The following TULP2 variants were observed in gnomAD, a reference collection of about 807,000 sequenced individuals.
TULP2 encodes TUB like protein 2.
A neutral mutation model predicts 60.3 loss-of-function variants in TULP2; 64 were observed. That is an observed-to-expected ratio of 1.06 (90% CI 0.87 to 1.31). The LOEUF is 1.31. Among genes scored for constraint, TULP2 ranks in the 50% most tolerant of loss-of-function variants. The probability of loss-of-function intolerance (pLI) is 0.00; values close to 1 mark genes in which losing one functional copy is unlikely to be tolerated. For synonymous variants in TULP2, 267 were observed against 265.4 expected (o/e 1.01, Z -0.06); for missense variants, 652 against 667.0 (o/e 0.98, Z 0.25).
intron 6 of TULP2, among the ~76,000 whole-genome samples, chr19:48,892,776 C>T (rs1287329926): frequency 1.3e-5 from 2 of 151,218 alleles, no homozygotes; most frequent in African/African-American, 4.9e-5. Context: ...CAGGCGTGAG[C>T]CACCGCGCCC....
chr19:48,886,298 CAA>C (rs549692428), intron 8 of TULP2, among the ~76,000 whole-genome samples: 26 of 96,640 alleles, frequency 2.7e-4, no homozygotes, highest in Admixed American at 4.6e-4. Flanking sequence ...GACTACGTCT[CAA>C]AAAAAAAAAA....
chr19:48,896,545 A>G lies in TULP2; in HGVS notation c.96T>C (p.Phe32=), dbSNP rs375021981. Residue 32 remains phenylalanine, a synonymous_variant, in exon 4 of 13, where the codon TTT becomes TTC. Coordinates refer to ENST00000221399, the MANE Select transcript of TULP2 (RefSeq NM_003323.3). ...GGCGCTTCTGTCGCTGCTTCTTTTC[A>G]AACAGCCGCCGCTGGGGAGATGGGA... The part of the protein sequence containing the change: ...LQKLEQQRRL[F]EKKQRQKRQE... 2.6e-4 allele frequency: 418 copies of G among 1,601,328 alleles called. No homozygotes were observed. The highest frequency in any genetic ancestry group is 3.4e-4 in the Non-Finnish European group (404 of 1,174,138).
intron 4 of TULP2, among the ~76,000 whole-genome samples, chr19:48,895,941 A>G (rs1227428060): frequency 6.6e-6 from 1 of 152,040 alleles, no homozygotes; most frequent in Non-Finnish European, 1.5e-5. Flanking sequence ...CCAGGTCCCA[A>G]ACTGCATCCT....
At position 48,894,995 on chromosome 19, in the gene TULP2, T is replaced by TA; in HGVS notation, c.514+2dup. ...GGTTTCACCCCAATGTCCCCTAAAT[T>TA]ACCAGGTCGTTGGTGGGCTTGCCAA... On this transcript the variant is annotated splice_region_variant and intron_variant, in intron 6 of 12. Transcript: ENST00000221399. The TA allele has an allele frequency of 6.2e-7, 1 of 1,610,502 alleles. No homozygotes were observed. The highest frequency in any genetic ancestry group is 8.5e-7 in the Non-Finnish European group (1 of 1,178,740).
Position 48,897,969 on chromosome 19 carries a change from T to TTATG in TULP2, c.-1-101_-1-100insCATA. 2 of 940,998 alleles carry TTATG rather than the reference T, an allele frequency of 2.1e-6. No homozygotes were observed. The highest frequency in any genetic ancestry group is 3.5e-5 in the East Asian group (1 of 28,398). 58.3% of individuals were successfully genotyped at this position (940,998 alleles called of 1,614,324 possible). Reference sequence around the variant, plus strand: ...TAGCCTTATTTATTTATTTATTTATTTATTTATTTATGTATTTAGAGACAG... The same window carrying TTATG: ...TAGCCTTATTTATTTATTTATTTATTTATGTATTTATTTATGTATTTAGAGACAG... On this transcript the variant is annotated intron_variant, in intron 1 of 12. Transcript: ENST00000221399. The surrounding 1 kb of genome is among the most constrained non-coding windows in gnomAD (Gnocchi z 4.0).
At position 48,888,163 on chromosome 19, in the gene TULP2, C is replaced by T. The variant is rs760691943; in HGVS notation, c.735G>A (p.Glu245=). 5.6e-6 allele frequency: 9 copies of T among 1,614,110 alleles called. No homozygotes were observed. The highest frequency in any genetic ancestry group is 7.6e-6 in the Non-Finnish European group (9 of 1,180,052). The change falls in exon 8 of 13, where the codon GAG becomes GAA. Residue 245 remains glutamate, a synonymous_variant. Coordinates refer to ENST00000221399, the MANE Select transcript of TULP2 (RefSeq NM_003323.3). ...NEELSKALKG[E]GGTDSDHMRH... ...TCATATGGTCGCTGTCCGTGCCACC[C>T]TCGCCTTTCAGGGCCTTGGACAACT... is the stretch of plus-strand genomic sequence containing the variant.
rs1325980233 is a variant in TULP2, at chr19:48,884,023, A to C, written c.1085T>G (p.Phe362Cys). The C allele has an allele frequency of 6.2e-7, 1 of 1,613,954 alleles. No homozygotes were observed. The highest frequency in any genetic ancestry group is 1.3e-5 in the African/African-American group (1 of 74,882). ...ATTCACCCCATTGTCAAAGATGGTG[A>C]ACTTGGTGCTGAAGACATTGGATCT... ...KVRSNVFSTK[F>C]TIFDNGVNPD... The change falls in exon 10 of 13, where the codon TTC becomes TGC. Residue 362 changes from phenylalanine (F) to cysteine (C), a missense_variant. Coordinates refer to ENST00000221399, the MANE Select transcript of TULP2 (RefSeq NM_003323.3).
intron 11 of TULP2, among the ~76,000 whole-genome samples, chr19:48,883,238 G>C (rs1405228907): frequency 9.4e-5 from 14 of 149,656 alleles, no homozygotes; most frequent in Non-Finnish European, 1.8e-4. Context: ...AAAAAAGAAA[G>C]AAAGAGAGAG....
intron 7 of TULP2, among the ~76,000 whole-genome samples, chr19:48,888,990 ATT>A (rs1207924162): frequency 6.7e-5 from 8 of 118,580 alleles, no homozygotes; most frequent in Admixed American, 1.8e-4. Context: ...GGCTGCACCT[ATT>A]TTTTTTTTTT....
intron 6 of TULP2, 89 bp from the exon 7 acceptor site, chr19:48,889,720 T>G: frequency 1.7e-6 from 2 of 1,172,478 alleles, no homozygotes; most frequent in Non-Finnish European, 2.3e-6. Flanking sequence ...TGTTCTGTAC[T>G]AAGACAAATT....
intron 6 of TULP2, among the ~76,000 whole-genome samples, chr19:48,892,792 G>T (rs1218709652): frequency 6.6e-6 from 1 of 151,124 alleles, no homozygotes; most frequent in Non-Finnish European, 1.5e-5. Context: ...CGCCCAGCCA[G>T]CAGAACAGTT....
At chr19:48,881,880 G>A in intron 12 of TULP2, 152 bp downstream of exon 12, 1 of 1,012,644 alleles carries the variant, frequency 9.9e-7, no homozygotes, top group East Asian at 2.6e-5. Flanking sequence ...CTGAGGGTGT[G>A]TAAACTACAA....
rs899369073 is a variant in TULP2 at position 48,881,011 on chromosome 19, C to T, written c.1563G>A (p.Ter521=). Residue 521 remains the stop codon, a stop_retained_variant, in exon 13 of 13, where the codon TAG becomes TAA. Transcript: ENST00000221399. ...AFSICLSSFN[*] is the part of the protein sequence containing the mutation. Reference sequence around the variant, plus strand: ...TATTGAGTTATTCAACAGCCAGCTTCTAATTGAAACTGGACAAGCAGATGC... The same window carrying T: ...TATTGAGTTATTCAACAGCCAGCTTTTAATTGAAACTGGACAAGCAGATGC... 2 of 1,612,488 alleles carry T rather than the reference C, an allele frequency of 1.2e-6. No homozygotes were observed. Among genetic ancestry groups the T allele is most frequent in the Non-Finnish European group, 1.7e-6 (2 of 1,179,006 alleles).
chr19:48,884,151 C>G lies in TULP2; in HGVS notation c.1062-105G>C. 3.3e-6 allele frequency: 3 copies of G among 916,062 alleles called. No homozygotes were observed. The South Asian group carries it at 4.7e-5, about 14-fold the overall frequency. 56.7% of individuals were successfully genotyped at this position (916,062 alleles called of 1,614,324 possible). ...TCCCATCAATCCCCTATGTCTAAGA[C>G]TATGTCCGAATGTCTAAGAATCATG... is the stretch of plus-strand genomic sequence containing the variant. On this transcript the variant is annotated intron_variant, in intron 9 of 12. Coordinates refer to ENST00000221399, the MANE Select transcript of TULP2 (RefSeq NM_003323.3).
chr19:48,896,656 C>A, intron 3 of TULP2, 100 bp from the exon 4 acceptor site: 1 of 1,393,930 alleles, frequency 7.2e-7, no homozygotes, highest in South Asian at 1.5e-5. Flanking sequence ...CGCGAGAGTT[C>A]GTGAACCCCT....
chr19:48,890,731 T>C (rs1364870870), intron 6 of TULP2, among the ~76,000 whole-genome samples: 1 of 152,054 alleles, frequency 6.6e-6, no homozygotes, highest in Non-Finnish European at 1.5e-5. Context: ...CTCAGCGCCC[T>C]CACTTGCAAC....
At chr19:48,884,070 G>C in intron 9 of TULP2, 24 bp from the exon 10 acceptor site, 1 of 1,586,322 alleles carries the variant, frequency 6.3e-7, no homozygotes. Flanking sequence ...GGAATGGATA[G>C]AATAAAAATA....
At chr19:48,886,233 G>A (rs2037178137) in intron 8 of TULP2, among the ~76,000 whole-genome samples, 1 of 151,742 alleles carries the variant, frequency 6.6e-6, no homozygotes, top group African/African-American at 2.4e-5. Flanking sequence ...GTGAACCTGG[G>A]AGGCGGAGCT....
chr19:48,889,362 G>T, intron 7 of TULP2, 148 bp downstream of exon 7: 9 of 1,316,726 alleles, frequency 6.8e-6, no homozygotes, highest in East Asian at 2.5e-5. Context: ...ACGCACGCAC[G>T]CACGCACACA....
Sources: allele counts gnomAD v4.1 joint callset (sites outside exome capture counted in the v4.1 genomes callset), GRCh38; gene constraint gnomAD v4.1.1; non-coding constraint Gnocchi (gnomAD v3.1); transcripts MANE v1.5; gene names NCBI Gene and HGNC (gene_info 2026-07-23, HGNC 2026-07-21).